The following CAST variants were observed in gnomAD, a reference collection of about 807,000 sequenced individuals.
CAST encodes the protein calpastatin.
A neutral mutation model predicts 119.6 loss-of-function variants in CAST; 76 were observed. The ratio of observed to expected loss-of-function variants is 0.64; its 90% CI spans 0.53 to 0.77. The LOEUF (loss-of-function observed/expected upper bound fraction) is 0.77. CAST is among the 30% of genes least tolerant of loss of function. The pLI, the probability that CAST is intolerant of heterozygous loss-of-function variation, is 0.00. For synonymous variants in CAST, 319 were observed against 331.6 expected, an observed-to-expected ratio of 0.96 and a Z score of 0.41; for missense variants, 953 against 946.5, an observed-to-expected ratio of 1.01 and a Z score of -0.09.
chr5:96,542,864 C>A (rs1212322601), intron 1 of CAST, among the ~76,000 whole-genome samples: 1 of 152,154 alleles, frequency 6.6e-6, no homozygotes, highest in Non-Finnish European at 1.5e-5. Context: ...GTTAGAATGG[C>A]AATCATTAAA....
chr5:96,275,028 A>G, the CAST span, among the ~76,000 whole-genome samples: 653 of 152,290 alleles, frequency 4.3e-3, 10 homozygotes, highest in African/African-American at 0.015. Flanking sequence ...TCTGTTTGAT[A>G]TTTGCTGAAG....
At chr5:95,985,503 A>G in the CAST span, among the ~76,000 whole-genome samples, 2 of 152,204 alleles carry the variant, frequency 1.3e-5, no homozygotes, top group Non-Finnish European at 2.9e-5. Flanking sequence ...GCTCAAAGGC[A>G]CAAACCTGGT....
the CAST span, among the ~76,000 whole-genome samples, chr5:96,488,830 A>G: frequency 1.3e-5 from 2 of 152,242 alleles, no homozygotes; most frequent in Non-Finnish European, 2.9e-5. Flanking sequence ...AAAATTAAAA[A>G]TGCTCATTTG....
At chr5:96,446,328 A>G in the CAST span, among the ~76,000 whole-genome samples, 2 of 152,168 alleles carry the variant, frequency 1.3e-5, no homozygotes, top group Non-Finnish European at 2.9e-5. Context: ...CATGTATTAC[A>G]TTGCAAACCG....
chr5:96,068,547 C>T, the CAST span, among the ~76,000 whole-genome samples: 591 of 151,544 alleles, frequency 3.9e-3, 4 homozygotes, highest in African/African-American at 0.014. Context: ...TAGTAAGGAA[C>T]CCTGTATTAG....
chr5:96,217,501 C>A, the CAST span, among the ~76,000 whole-genome samples: 1 of 152,020 alleles, frequency 6.6e-6, no homozygotes, highest in Non-Finnish European at 1.5e-5. Flanking sequence ...TGGTAAGGTA[C>A]CAGCCATTTT....
At chr5:96,689,699 C>G (rs1752501911) in intron 2 of CAST, among the ~76,000 whole-genome samples, 1 of 152,140 alleles carries the variant, frequency 6.6e-6, no homozygotes, top group African/African-American at 2.4e-5. Flanking sequence ...TAATAGAACC[C>G]AGAATTGAAA....
At chr5:96,607,816 T>C (rs1405254948) in intron 1 of CAST, among the ~76,000 whole-genome samples, 5 of 152,174 alleles carry the variant, frequency 3.3e-5, no homozygotes, top group Non-Finnish European at 5.9e-5. Context: ...TTTTCTTTTT[T>C]AATAGGTTTT....
chr5:96,729,692 A>G lies in CAST; in HGVS notation c.516A>G (p.Glu172=), dbSNP rs143929496. ...AAAAAGCAGTTTCCAGATCAGCTGA[A>G]CAGCAGCCATCAGAGAAATCAACAG... is the stretch of plus-strand genomic sequence containing the variant. ...HNKKAVSRSA[E]QQPSEKSTEP... is the part of the protein sequence containing the mutation. Residue 172 remains glutamate (E), a synonymous_variant, in exon 8 of 32, where the codon GAA becomes GAG. Transcript: ENST00000675179. 96 of 1,568,180 alleles carry G rather than the reference A, an allele frequency of 6.1e-5. No individual in the cohort carries two copies. In the African/African-American group the frequency reaches 1.1e-3, roughly 18 times the overall value.
rs59577491 is a variant in CAST at position 96,559,307 on chromosome 5, A to T, written c.60+29427A>T. Among the ~76,000 whole-genome samples the T allele has an allele frequency of 6.0e-3, 911 of 152,312 alleles. 6 individuals carry two copies. The highest frequency in any genetic ancestry group is 0.021 in the African/African-American group (864 of 41,570). On this transcript the variant is annotated intron_variant, in intron 1 of 11. Transcript: ENST00000505143. ...CTTTGAAAACTGGCTAAAGACAGGG[A>T]TGTCCTCTCTCACCACTTCTATTCA...
intron 1 of CAST, among the ~76,000 whole-genome samples, chr5:96,587,295 A>C (rs996869864): frequency 2.6e-5 from 4 of 152,196 alleles, no homozygotes; most frequent in Non-Finnish European, 5.9e-5. Flanking sequence ...ATGTGCCTAG[A>C]GTTTGCAAAT....
chr5:96,557,315 A>C (rs1002575372), intron 1 of CAST, among the ~76,000 whole-genome samples: 3 of 152,052 alleles, frequency 2.0e-5, no homozygotes, highest in Non-Finnish European at 4.4e-5. Flanking sequence ...CGAGCAAAAT[A>C]ACCAGCTAAC....
the CAST span, among the ~76,000 whole-genome samples, chr5:96,416,618 A>G: frequency 6.6e-6 from 1 of 152,218 alleles, no homozygotes; most frequent in African/African-American, 2.4e-5. Context: ...ATATCCTAGA[A>G]CAAGTCCCCT....
the CAST span, among the ~76,000 whole-genome samples, chr5:96,113,666 A>C: frequency 6.6e-6 from 1 of 152,250 alleles, no homozygotes; most frequent in African/African-American, 2.4e-5. Flanking sequence ...CAGGGAGCTG[A>C]AGCCTTGGCA....
chr5:96,694,694 T>C (rs1292434349), intron 2 of CAST, among the ~76,000 whole-genome samples: 1 of 152,150 alleles, frequency 6.6e-6, no homozygotes, highest in Non-Finnish European at 1.5e-5. Context: ...AATATAGATA[T>C]TCATAAGAAA....
At chr5:96,486,811 A>C in the CAST span, among the ~76,000 whole-genome samples, 3 of 152,162 alleles carry the variant, frequency 2.0e-5, no homozygotes, top group Admixed American at 6.5e-5. Flanking sequence ...CTCTATCCTG[A>C]TCCCCAGGTA....
At chr5:96,375,429 T>A in the CAST span, among the ~76,000 whole-genome samples, 1 of 91,686 alleles carries the variant, frequency 1.1e-5, no homozygotes, top group South Asian at 3.5e-4. Flanking sequence ...TGTGTGTGTG[T>A]GTGTGTGTTT....
At chr5:96,049,713 A>C in the CAST span, among the ~76,000 whole-genome samples, 2 of 151,866 alleles carry the variant, frequency 1.3e-5, no homozygotes, top group African/African-American at 4.8e-5. Flanking sequence ...CTTGGGATGC[A>C]CATGGAGATG....
the CAST span, among the ~76,000 whole-genome samples, chr5:96,044,848 G>A: frequency 1.3e-5 from 2 of 152,166 alleles, no homozygotes; most frequent in East Asian, 3.9e-4. Flanking sequence ...CTACACAGAT[G>A]AAAGAAGTCA....
Sources: allele counts gnomAD v4.1 joint callset (sites outside exome capture counted in the v4.1 genomes callset), GRCh38; gene constraint gnomAD v4.1.1; transcripts MANE v1.5; gene names NCBI Gene and HGNC (gene_info 2026-07-23, HGNC 2026-07-21).